Variants in ATP2A2 observed in about 807,000 individuals in gnomAD.
ATP2A2 encodes the protein sarcoplasmic/endoplasmic reticulum calcium ATPase 2.
ATP2A2 carries 14 observed loss-of-function variants against 109.3 expected under a neutral mutation model. That is an observed-to-expected ratio of 0.13 (90% CI 0.08 to 0.20). ATP2A2 has a LOEUF of 0.20. ATP2A2 is among the 10% of genes least tolerant of loss of function. The pLI, the probability that ATP2A2 is intolerant of heterozygous loss-of-function variation, is 1.00. For missense variants in ATP2A2, 657 were observed against 1,321.6 expected (o/e 0.50, Z 7.80); for synonymous variants, 506 against 490.9 (o/e 1.03, Z -0.41).
Position 110,340,101 on chromosome 12 carries a change from G to T in ATP2A2, c.1761+380G>T, listed in dbSNP as rs1464698638. Among the ~76,000 whole-genome samples the T allele has an allele frequency of 2.6e-5, 4 of 152,122 alleles. No homozygotes were observed. The highest frequency in any genetic ancestry group is 5.9e-5 in the Non-Finnish European group (4 of 68,024). ...GATTACTTCCACTTTTCTACTCAGA[G>T]TAGAATTCTTTTATATCAAGGATGT... On this transcript the variant is annotated intron_variant, in intron 13 of 19. Transcript: ENST00000539276. The surrounding 1 kb of genome is among the most constrained non-coding windows in gnomAD (Gnocchi z 6.0).
In ATP2A2 at chr12:110,347,446, T is replaced by C; in HGVS notation, c.*976T>C. The C allele has an allele frequency of 3.1e-6, 4 of 1,289,140 alleles. No individual in the cohort carries two copies. The highest frequency in any genetic ancestry group is 4.0e-6 in the Non-Finnish European group (4 of 988,702). The allele number at this position is 1,289,140 out of a possible 1,614,324, so 79.9% of individuals were successfully genotyped here. ...TGCTTGAGGGGAAGAAGGCTCCTGC[T>C]CTGCTGTGTAGGTAGTCATAGGAAT... On this transcript the variant is annotated 3_prime_UTR_variant, in exon 20 of 20. Coordinates refer to ENST00000539276, the MANE Select transcript of ATP2A2 (RefSeq NM_170665.4).
intron 3 of ATP2A2, among the ~76,000 whole-genome samples, chr12:110,287,859 G>A (rs969299514): frequency 2.0e-5 from 3 of 151,896 alleles, no homozygotes; most frequent in South Asian, 2.1e-4. Context: ...TAGGTGATCC[G>A]CCTGCCTCAG....
chr12:110,317,054 C>G (rs1023321112), intron 5 of ATP2A2, among the ~76,000 whole-genome samples: 1 of 152,118 alleles, frequency 6.6e-6, no homozygotes. Context: ...CCCTGTTCAC[C>G]GTGAGGCCTG....
chr12:110,314,461 A>G (rs1876446304), intron 5 of ATP2A2, among the ~76,000 whole-genome samples: 1 of 152,264 alleles, frequency 6.6e-6, no homozygotes, highest in Non-Finnish European at 1.5e-5. Context: ...ATGCAAAAGT[A>G]AAAGATAACA....
Position 110,347,598 on chromosome 12 carries a change from CTG to C in ATP2A2, c.*1130_*1131del. 1 of 1,230,066 alleles carries C rather than the reference CTG, an allele frequency of 8.1e-7. No individual in the cohort carries two copies. The highest frequency in any genetic ancestry group is 1.0e-6 in the Non-Finnish European group (1 of 957,590). The allele number at this position is 1,230,066 out of a possible 1,614,324, so 76.2% of individuals were successfully genotyped here. A position where few individuals can be genotyped will look rare whatever the true frequency, so the allele number is the denominator to read the frequency against. On this transcript the variant is annotated 3_prime_UTR_variant, in exon 20 of 20. Coordinates refer to ENST00000539276, the MANE Select transcript of ATP2A2 (RefSeq NM_170665.4). Reference sequence around the variant, plus strand: ...TGTGTATGTGTGTGTTTTGTAAAATCTGTAAATAGCACATGACCAAATGAACA... The same window carrying C: ...TGTGTATGTGTGTGTTTTGTAAAATCTAAATAGCACATGACCAAATGAACA...
At position 110,281,658 on chromosome 12, in the gene ATP2A2, G is replaced by A; in HGVS notation, c.-132G>A. 1 of 496,320 alleles carries A rather than the reference G, an allele frequency of 2.0e-6. No individual in the cohort carries two copies. The highest frequency in any genetic ancestry group is 3.3e-6 in the Non-Finnish European group (1 of 302,670). The allele number at this position is 496,320 out of a possible 1,614,324, so 30.7% of individuals were successfully genotyped here. On this transcript the variant is annotated 5_prime_UTR_variant, in exon 1 of 20. Transcript: ENST00000539276. Reference sequence around the variant, plus strand: ...TTCAGCGCCCGGCGAGGCGGAAGCGGCCGCAAGAGGAGGAGGGGAGAGCCC... The same window carrying A: ...TTCAGCGCCCGGCGAGGCGGAAGCGACCGCAAGAGGAGGAGGGGAGAGCCC...
At position 110,339,871 on chromosome 12, in the gene ATP2A2, T is replaced by A; in HGVS notation, c.1761+150T>A. On this transcript the variant is annotated intron_variant, in intron 13 of 19. Coordinates refer to ENST00000539276, the MANE Select transcript of ATP2A2 (RefSeq NM_170665.4). This position sits in a 1 kb window ranked among gnomAD's most constrained non-coding sequence, Gnocchi z 4.4. Reference sequence around the variant, plus strand: ...TTCTGCCTGCCAGCTGTGTCACCCTTAAAATTTGCTGCTTCAAACATACAT... The same window carrying A: ...TTCTGCCTGCCAGCTGTGTCACCCTAAAAATTTGCTGCTTCAAACATACAT... The A allele has an allele frequency of 3.8e-6, 3 of 790,256 alleles. No individual in the cohort carries two copies. The highest frequency in any genetic ancestry group is 6.2e-6 in the Non-Finnish European group (3 of 481,626). The allele number at this position is 790,256 out of a possible 1,614,324, so 49.0% of individuals were successfully genotyped here. A position where few individuals can be genotyped will look rare whatever the true frequency, so the allele number is the denominator to read the frequency against.
intron 3 of ATP2A2, among the ~76,000 whole-genome samples, chr12:110,283,958 C>T (rs986535984): frequency 2.0e-5 from 3 of 152,126 alleles, no homozygotes; most frequent in Admixed American, 1.3e-4. Context: ...ATAGTGGCAG[C>T]AGTAAATAAA....
intron 6 of ATP2A2, 152 bp from the exon 7 acceptor site, chr12:110,326,238 G>A: frequency 1.4e-6 from 1 of 704,880 alleles, no homozygotes; most frequent in Non-Finnish European, 2.6e-6. Context: ...AGTTTTCCCA[G>A]CTTACCTCCT....
rs1879861464 is a variant in ATP2A2 at position 110,346,383 on chromosome 12, T to A, written c.3042T>A (p.Ile1014=). The A allele has an allele frequency of 6.2e-7, 1 of 1,614,218 alleles. No homozygotes were observed. Among genetic ancestry groups the A allele is most frequent in the Non-Finnish European group, 8.5e-7 (1 of 1,180,034 alleles). ...CGTTCTCGGCATGCACCGATGGGATTTCCTGGCCGTTTGTGCTGCTCATAA... is the reference window on the plus strand; with the variant it reads ...CGTTCTCGGCATGCACCGATGGGATATCCTGGCCGTTTGTGCTGCTCATAA... The part of the protein sequence containing the change: ...SCSFSACTDG[I]SWPFVLLIMP... Residue 1014 remains isoleucine (I), a synonymous_variant, in exon 20 of 20, where the codon ATT becomes ATA. Coordinates refer to ENST00000539276, the MANE Select transcript of ATP2A2 (RefSeq NM_170665.4).
At chr12:110,337,410 T>C (rs1458809193) in intron 11 of ATP2A2, among the ~76,000 whole-genome samples, 2 of 152,220 alleles carry the variant, frequency 1.3e-5, no homozygotes, top group African/African-American at 4.8e-5. Context: ...CTCAGAATCA[T>C]TGCGTGTTCC....
In ATP2A2 at chr12:110,347,968, A is replaced by G; in HGVS notation, c.*1498A>G. On this transcript the variant is annotated 3_prime_UTR_variant, in exon 20 of 20. Coordinates refer to ENST00000539276, the MANE Select transcript of ATP2A2 (RefSeq NM_170665.4). ...GCCTGCCATGTGACTCGGGCGCAGC[A>G]TCAGCTGGCTGGAGGTGTGGCTTTC... is the stretch of plus-strand genomic sequence containing the variant. 7 of 989,152 alleles carry G rather than the reference A, an allele frequency of 7.1e-6. No homozygotes were observed. The highest frequency in any genetic ancestry group is 8.4e-6 in the Non-Finnish European group (7 of 832,296). 61.3% of individuals were successfully genotyped at this position (989,152 alleles called of 1,614,324 possible). A position where few individuals can be genotyped will look rare whatever the true frequency, so the allele number is the denominator to read the frequency against.
chr12:110,301,116 C>T (rs541561474), intron 5 of ATP2A2, among the ~76,000 whole-genome samples: 10 of 152,266 alleles, frequency 6.6e-5, no homozygotes, highest in African/African-American at 2.2e-4. Context: ...ATCCTCTTGC[C>T]TTGGCCTCCC....
In ATP2A2 at chr12:110,350,305, A is replaced by C. The variant is rs750591582; in HGVS notation, c.*3835A>C. On this transcript the variant is annotated 3_prime_UTR_variant, in exon 20 of 20. Transcript: ENST00000539276. Reference sequence around the variant, plus strand: ...TTTCCTTTTCAGCAATACTGGAGTAACCGCTTCCTAAACCATTTTGCAGAA... The same window carrying C: ...TTTCCTTTTCAGCAATACTGGAGTACCCGCTTCCTAAACCATTTTGCAGAA... 1.2e-6 allele frequency: 2 copies of C among 1,614,104 alleles called. No homozygotes were observed. Among genetic ancestry groups the C allele is most frequent in the Admixed American group, 3.3e-5 (2 of 60,010 alleles).
intron 11 of ATP2A2, among the ~76,000 whole-genome samples, chr12:110,338,991 C>T (rs1196134747): frequency 6.6e-6 from 1 of 152,172 alleles, no homozygotes; most frequent in Non-Finnish European, 1.5e-5. Context: ...CCCATGGGGC[C>T]ATCTTTATTC....
In ATP2A2 at chr12:110,299,733, C is replaced by T. The variant is rs139790602; in HGVS notation, c.463+2996C>T. Among the ~76,000 whole-genome samples, 225 of 152,298 alleles carry T rather than the reference C, an allele frequency of 1.5e-3. 1 individual carries two copies. The highest frequency in any genetic ancestry group is 5.2e-3 in the African/African-American group (216 of 41,580). On this transcript the variant is annotated intron_variant, in intron 5 of 19. Transcript: ENST00000539276. ...CTCCTGGGCTCAAGTGATTCTCCCA[C>T]CTCAGTCTCCTGAAAAACTGGGATC...
chr12:110,306,165 A>G (rs1875298294), intron 5 of ATP2A2, among the ~76,000 whole-genome samples: 1 of 152,020 alleles, frequency 6.6e-6, no homozygotes, highest in South Asian at 2.1e-4. Flanking sequence ...CAGCCTCCCC[A>G]GTAGCTGGGA....
chr12:110,309,703 T>A (rs994121316), intron 5 of ATP2A2, among the ~76,000 whole-genome samples: 1 of 151,954 alleles, frequency 6.6e-6, no homozygotes, highest in South Asian at 2.1e-4. Flanking sequence ...TCCAGGAGTT[T>A]GAGACCAGCC....
chr12:110,307,310 A>T (rs1875467295), intron 5 of ATP2A2, among the ~76,000 whole-genome samples: 2 of 143,218 alleles, frequency 1.4e-5, no homozygotes, highest in Non-Finnish European at 3.0e-5. Context: ...TAGCTCATTG[A>T]GCCATGGCTT....
Sources: gnomAD v4.1 joint callset for allele counts (sites outside exome capture counted in the v4.1 genomes callset) on GRCh38, gnomAD v4.1.1 for gene constraint, Gnocchi (gnomAD v3.1) non-coding constraint, MANE v1.5 for transcripts, NCBI Gene and HGNC (gene_info 2026-07-23, HGNC 2026-07-21) for gene names.